Variants in AK4 observed in about 807,000 individuals in gnomAD.
The protein encoded by AK4 is adenylate kinase 4.
A neutral mutation model predicts 24.6 loss-of-function variants in AK4; 13 were observed. That is an observed-to-expected ratio of 0.53 (90% CI 0.34 to 0.84). AK4 has a LOEUF of 0.84. Ranked by LOEUF, AK4 falls within the 40% of genes least tolerant of loss-of-function variation. The pLI, the probability that AK4 is intolerant of heterozygous loss-of-function variation, is 0.01. For missense variants in AK4, 192 were observed against 288.2 expected, an observed-to-expected ratio of 0.67 and a Z score of 2.42; for synonymous variants, 88 against 107.0, an observed-to-expected ratio of 0.82 and a Z score of 1.10.
intron 1 of AK4, among the ~76,000 whole-genome samples, chr1:65,167,682 G>A (rs141336034): frequency 3.5e-4 from 54 of 152,240 alleles, no homozygotes; most frequent in African/African-American, 1.3e-3. Flanking sequence ...GAATTGGAAG[G>A]GATTTTTAGT....
At chr1:65,225,349 A>G (rs757563877) in intron 4 of AK4, among the ~76,000 whole-genome samples, 2 of 152,146 alleles carry the variant, frequency 1.3e-5, no homozygotes, top group Non-Finnish European at 2.9e-5. Flanking sequence ...GGTATTGGAA[A>G]TGAGTCTCAA....
chr1:65,192,238 G>A (rs1215506102), intron 2 of AK4, among the ~76,000 whole-genome samples: 1 of 152,198 alleles, frequency 6.6e-6, no homozygotes, highest in Non-Finnish European at 1.5e-5. Flanking sequence ...TCTGATGAGG[G>A]CCTTCTTGCT....
intron 3 of AK4, among the ~76,000 whole-genome samples, chr1:65,224,105 G>C (rs1218124260): frequency 6.6e-6 from 1 of 152,084 alleles, no homozygotes; most frequent in Admixed American, 6.6e-5. Context: ...TAAAATAAAG[G>C]ATTTAACAAA....
At position 65,152,875 on chromosome 1, in the gene AK4, T is replaced by C. The variant is rs193135822; in HGVS notation, c.145+4323T>C. On this transcript the variant is annotated intron_variant, in intron 1 of 4. Transcript: ENST00000327299. ...TGTCTTATGTAAGAGGGAAAACTTC[T>C]GAGAACTGGAAGATAGAAACATTGT... is the stretch of plus-strand genomic sequence containing the variant. 3.8e-3 allele frequency among the ~76,000 whole-genome samples: 583 copies of C among 152,302 alleles called. 2 individuals carry two copies. Among genetic ancestry groups the C allele is most frequent in the African/African-American group, 0.013 (540 of 41,570 alleles).
chr1:65,190,385 C>T (rs1651262201), intron 1 of AK4, among the ~76,000 whole-genome samples: 1 of 149,600 alleles, frequency 6.7e-6, no homozygotes. Context: ...ACCTCATCCT[C>T]CCAAAGTACC....
intron 2 of AK4, among the ~76,000 whole-genome samples, chr1:65,210,400 G>A (rs1651935232): frequency 6.6e-6 from 1 of 152,064 alleles, no homozygotes; most frequent in African/African-American, 2.4e-5. Flanking sequence ...ATCCGCTTCG[G>A]TTTCTTTATT....
intron 1 of AK4, among the ~76,000 whole-genome samples, chr1:65,174,516 A>G (rs1650645994): frequency 6.6e-6 from 1 of 151,924 alleles, no homozygotes. Context: ...TCATTTACTC[A>G]CTTAATTTAA....
At chr1:65,150,532 G>A (rs564270366) in intron 1 of AK4, among the ~76,000 whole-genome samples, 3 of 152,100 alleles carry the variant, frequency 2.0e-5, no homozygotes, top group Non-Finnish European at 2.9e-5. Context: ...GTGAACTTTC[G>A]GGTTATCGGA....
At chr1:65,148,603 T>TGAGGCCCTGGAGGGACTGGGGC in intron 1 of AK4, 51 bp downstream of exon 1, 2 of 1,545,784 alleles carry the variant, frequency 1.3e-6, no homozygotes, top group Non-Finnish European at 1.7e-6. Flanking sequence ...TGGGCTGGGG[T>TGAGGCCCTGGAGGGACTGGGGC]GAGGCCCTGG....
At chr1:65,211,609 C>T (rs1277780428) in intron 2 of AK4, among the ~76,000 whole-genome samples, 2 of 152,284 alleles carry the variant, frequency 1.3e-5, no homozygotes, top group South Asian at 2.1e-4. Context: ...TTGGTTTTTA[C>T]AGTTTTAAAA....
At chr1:65,224,006 A>T (rs945936964) in intron 3 of AK4, among the ~76,000 whole-genome samples, 2 of 152,082 alleles carry the variant, frequency 1.3e-5, no homozygotes, top group African/African-American at 4.8e-5. Flanking sequence ...ATAAATAAAT[A>T]AATAAAATAA....
At position 65,226,906 on chromosome 1, in the gene AK4, AT is replaced by A. The variant is rs1652481904; in HGVS notation, c.*730del. 6.7e-6 allele frequency: 1 copy of A among 148,932 alleles called. No individual in the cohort carries two copies. Among genetic ancestry groups the A allele is most frequent in the South Asian group, 2.1e-4 (1 of 4,744 alleles). The allele number at this position is 148,932 out of a possible 1,614,324, so 9.2% of individuals were successfully genotyped here. A position where few individuals can be genotyped will look rare whatever the true frequency, so the allele number is the denominator to read the frequency against. Reference sequence around the variant, plus strand: ...TCTCAGATTCTAATAACTGAGAGCGATGGGGCTATATTGAATCTCTGTATGC... The same window carrying A: ...TCTCAGATTCTAATAACTGAGAGCGAGGGGCTATATTGAATCTCTGTATGC... On this transcript the variant is annotated 3_prime_UTR_variant, in exon 5 of 5. Coordinates refer to ENST00000327299, the MANE Select transcript of AK4 (RefSeq NM_013410.4).
chr1:65,199,119 A>T (rs895316963), intron 2 of AK4, among the ~76,000 whole-genome samples: 2 of 150,128 alleles, frequency 1.3e-5, no homozygotes, highest in African/African-American at 4.9e-5. Context: ...TTGGGCAGTG[A>T]CCCTTAGATG....
At position 65,207,992 on chromosome 1, in the gene AK4, G is replaced by C. The variant is rs546965432; in HGVS notation, c.266-10762G>C. ...TTCCATGTTTTTGCTATGGTGAATA[G>C]TACTGTGATGAACATACAAGTACAT... On this transcript the variant is annotated intron_variant, in intron 2 of 4. Coordinates refer to ENST00000327299, the MANE Select transcript of AK4 (RefSeq NM_013410.4). Among the ~76,000 whole-genome samples the C allele has an allele frequency of 1.2e-4, 18 of 152,312 alleles. No individual in the cohort carries two copies. The South Asian group carries it at 3.5e-3, about 30-fold the overall frequency.
chr1:65,220,699 C>A, intron 3 of AK4, among the ~76,000 whole-genome samples: 1 of 152,300 alleles, frequency 6.6e-6, no homozygotes, highest in Middle Eastern at 3.4e-3. Flanking sequence ...TGGTCTCGAA[C>A]CCCTGATCTC....
rs1237323443 is a variant in AK4 at position 65,231,530 on chromosome 1, A to G, written c.*5353A>G. 1.3e-5 allele frequency: 2 copies of G among 152,224 alleles called. No homozygotes were observed. Among genetic ancestry groups the G allele is most frequent in the Non-Finnish European group, 2.9e-5 (2 of 68,052 alleles). 9.4% of individuals were successfully genotyped at this position (152,224 alleles called of 1,614,324 possible). A position where few individuals can be genotyped will look rare whatever the true frequency, so the allele number is the denominator to read the frequency against. ...TTCAAAGGAGCAGACCACCTTGAAG[A>G]TTCCCCCTAGGGTTGATATGTGTCT... On this transcript the variant is annotated 3_prime_UTR_variant, in exon 5 of 5. Transcript: ENST00000327299.
At chr1:65,158,914 A>G (rs1650063243) in intron 1 of AK4, among the ~76,000 whole-genome samples, 1 of 152,172 alleles carries the variant, frequency 6.6e-6, no homozygotes, top group Non-Finnish European at 1.5e-5. Flanking sequence ...GTTGGCCTTT[A>G]AGACATAGTA....
chr1:65,151,994 G>A, intron 1 of AK4, among the ~76,000 whole-genome samples: 1 of 151,954 alleles, frequency 6.6e-6, no homozygotes, highest in East Asian at 1.9e-4. Context: ...AGAAATATTA[G>A]CTTTTCTCTG....
At chr1:65,172,496 A>G (rs1650569090) in intron 1 of AK4, among the ~76,000 whole-genome samples, 1 of 152,140 alleles carries the variant, frequency 6.6e-6, no homozygotes. Context: ...ATTCAATTTC[A>G]TGAATGTGCT....
Sources: gnomAD v4.1 joint callset for allele counts (sites outside exome capture counted in the v4.1 genomes callset) on GRCh38, gnomAD v4.1.1 for gene constraint, MANE v1.5 for transcripts, NCBI Gene and HGNC (gene_info 2026-07-23, HGNC 2026-07-21) for gene names.